The following LIPI variants were observed in gnomAD, a reference collection of about 807,000 sequenced individuals.
LIPI encodes lipase I.
Under a neutral mutation model 50.6 loss-of-function variants are expected in LIPI, and 59 were observed. That is an observed-to-expected ratio of 1.16 (90% CI 0.94 to 1.45). The LOEUF is 1.45. LIPI is among the 40% of genes most tolerant of loss of function. The probability of loss-of-function intolerance (pLI) is 0.00; values close to 1 mark genes in which losing one functional copy is unlikely to be tolerated. For synonymous variants in LIPI, 203 were observed against 178.2 expected (o/e 1.14, Z -1.11); for missense variants, 586 against 536.3 (o/e 1.09, Z -0.92).
At chr21:14,157,604 C>T (rs188045038) in intron 7 of LIPI, among the ~76,000 whole-genome samples, 11 of 151,888 alleles carry the variant, frequency 7.2e-5, no homozygotes, top group Non-Finnish European at 1.6e-4. Flanking sequence ...GCCTGGAAAA[C>T]GTCTACAAAC....
chr21:14,166,452 C>T lies in LIPI; in HGVS notation c.644-1G>A, dbSNP rs1191111867. 6.3e-7 allele frequency: 1 copy of T among 1,579,314 alleles called. No individual in the cohort carries two copies. The highest frequency in any genetic ancestry group is 8.7e-7 in the Non-Finnish European group (1 of 1,148,634). On this transcript the variant is annotated splice_acceptor_variant, in intron 4 of 9. Transcript: ENST00000681601. LOFTEE classifies it high-confidence loss of function. ...CCCAAGGGCTCTTGAATGCCTAAAC[C>T]TGAGAAGAAAGGCACCCAAGAATCA...
intron 9 of LIPI, among the ~76,000 whole-genome samples, chr21:14,123,023 A>T (rs1430775179): frequency 6.6e-6 from 1 of 152,230 alleles, no homozygotes; most frequent in African/African-American, 2.4e-5. Flanking sequence ...GAGTCACCTC[A>T]TGTTATGTAT....
At chr21:14,142,848 T>C (rs961827133) in intron 9 of LIPI, among the ~76,000 whole-genome samples, 1 of 152,020 alleles carries the variant, frequency 6.6e-6, no homozygotes, top group African/African-American at 2.4e-5. Flanking sequence ...CTTACACTTA[T>C]ATTTGATAAA....
intron 1 of LIPI, among the ~76,000 whole-genome samples, chr21:14,206,401 T>C (rs945274391): frequency 1.3e-5 from 2 of 152,194 alleles, no homozygotes; most frequent in African/African-American, 2.4e-5. Flanking sequence ...GCTGCTGAGA[T>C]AAGTTTGTCT....
At chr21:14,163,790 C>A (rs2018579312) in intron 6 of LIPI, among the ~76,000 whole-genome samples, 1 of 151,858 alleles carries the variant, frequency 6.6e-6, no homozygotes, top group Non-Finnish European at 1.5e-5. Context: ...TGGCTATAGT[C>A]CATTTGTAGA....
chr21:14,157,175 G>A (rs759538868), intron 7 of LIPI, among the ~76,000 whole-genome samples: 12 of 151,948 alleles, frequency 7.9e-5, no homozygotes, highest in East Asian at 1.9e-4. Context: ...AGATGAAACC[G>A]TTAAATTAAA....
intron 5 of LIPI, among the ~76,000 whole-genome samples, 174 bp downstream of exon 5, chr21:14,166,188 C>T (rs761767435): frequency 6.6e-6 from 1 of 152,074 alleles, no homozygotes; most frequent in East Asian, 1.9e-4. Context: ...TACTGGTAAC[C>T]TTTATGAACT....
chr21:14,175,489 T>C (rs1489293087), intron 4 of LIPI, among the ~76,000 whole-genome samples: 1 of 152,204 alleles, frequency 6.6e-6, no homozygotes, highest in Non-Finnish European at 1.5e-5. Flanking sequence ...ACTGCTTTTT[T>C]TTATGGCTTG....
intron 3 of LIPI, 96 bp from the exon 4 acceptor site, chr21:14,181,955 AT>A: frequency 1.4e-6 from 1 of 731,900 alleles, no homozygotes. Context: ...CATAAAAAGC[AT>A]TTATACTTTT....
intron 4 of LIPI, among the ~76,000 whole-genome samples, chr21:14,175,356 C>A (rs537151153): frequency 1.3e-5 from 2 of 152,110 alleles, no homozygotes; most frequent in South Asian, 4.1e-4. Flanking sequence ...TTCTTACTAA[C>A]TTTAAAAACT....
intron 9 of LIPI, among the ~76,000 whole-genome samples, chr21:14,124,650 A>G (rs536263135): frequency 1.3e-5 from 2 of 152,344 alleles, no homozygotes; most frequent in Admixed American, 1.3e-4. Flanking sequence ...TCCTGCATCA[A>G]GTAGCTCCCG....
intron 2 of LIPI, among the ~76,000 whole-genome samples, chr21:14,188,427 G>C (rs981757357): frequency 4.6e-5 from 7 of 151,846 alleles, no homozygotes; most frequent in Non-Finnish European, 1.0e-4. Context: ...AATTAGCTGG[G>C]CATTGTGGTG....
chr21:14,143,021 T>A (rs946999673), intron 9 of LIPI, among the ~76,000 whole-genome samples: 1 of 152,162 alleles, frequency 6.6e-6, no homozygotes, highest in Non-Finnish European at 1.5e-5. Context: ...ATAGAAACTC[T>A]AGAAAAACCC....
intron 9 of LIPI, among the ~76,000 whole-genome samples, chr21:14,120,296 C>A (rs892389518): frequency 6.6e-6 from 1 of 152,176 alleles, no homozygotes; most frequent in African/African-American, 2.4e-5. Context: ...GCGGTAGGAA[C>A]CTCAGCACAG....
At chr21:14,186,126 T>C (rs1185477308) in intron 2 of LIPI, 57 bp from the exon 3 acceptor site, 95 of 935,070 alleles carry the variant, frequency 1.0e-4, no homozygotes, top group Non-Finnish European at 7.1e-6. Context: ...TAACAAATCA[T>C]GCCCCCCTCA....
At chr21:14,178,044 C>A (rs552870325) in intron 4 of LIPI, among the ~76,000 whole-genome samples, 1 of 152,116 alleles carries the variant, frequency 6.6e-6, no homozygotes, top group Non-Finnish European at 1.5e-5. Flanking sequence ...TTCCTATATT[C>A]CATTGTTTCT....
intron 7 of LIPI, among the ~76,000 whole-genome samples, chr21:14,154,834 G>T (rs2018220601): frequency 1.3e-5 from 2 of 152,010 alleles, no homozygotes; most frequent in African/African-American, 2.4e-5. Context: ...CAGAGGAACT[G>T]CCCGCTAAAA....
At chr21:14,170,747 C>G (rs974166396) in intron 4 of LIPI, among the ~76,000 whole-genome samples, 1 of 151,194 alleles carries the variant, frequency 6.6e-6, no homozygotes, top group African/African-American at 2.4e-5. Context: ...GACAAACCCA[C>G]AGCCAATATC....
chr21:14,200,016 A>C (rs987270600), intron 1 of LIPI, among the ~76,000 whole-genome samples: 4 of 152,160 alleles, frequency 2.6e-5, no homozygotes, highest in African/African-American at 9.7e-5. Context: ...TGATTATCTC[A>C]ATAGATGCAG....
Sources: allele counts gnomAD v4.1 joint callset (sites outside exome capture counted in the v4.1 genomes callset), GRCh38; gene constraint gnomAD v4.1.1; transcripts MANE v1.5; gene names NCBI Gene and HGNC (gene_info 2026-07-23, HGNC 2026-07-21).